SYNE1: variants seen among roughly 807,000 people sequenced by gnomAD.
The protein encoded by SYNE1 is nesprin-1.
SYNE1 carries 616 observed loss-of-function variants against 1,111.0 expected under a neutral mutation model. The observed-to-expected ratio is 0.55, with a 90% CI of 0.52 to 0.59. The LOEUF (loss-of-function observed/expected upper bound fraction) is 0.59, where lower values mean the gene tolerates loss of function less well. Ranked by LOEUF, SYNE1 falls within the 20% of genes least tolerant of loss-of-function variation. SYNE1 has a pLI of 0.00. For synonymous variants in SYNE1, 3,855 were observed against 3,825.8 expected (o/e 1.01, Z -0.28); for missense variants, 10,006 against 10,417.0 (o/e 0.96, Z 1.72).
intron 3 of SYNE1, among the ~76,000 whole-genome samples, chr6:152,613,559 A>C (rs1409342244): frequency 1.3e-5 from 2 of 152,240 alleles, no homozygotes; most frequent in Non-Finnish European, 2.9e-5. Flanking sequence ...AATATTGTGA[A>C]AATGGCCATA....
At chr6:152,275,519 T>C (rs2093553992) in intron 98 of SYNE1, among the ~76,000 whole-genome samples, 2 of 152,190 alleles carry the variant, frequency 1.3e-5, no homozygotes, top group Non-Finnish European at 2.9e-5. Flanking sequence ...ATTGTTTAAT[T>C]TTCTGTTCAC....
chr6:152,151,406 A>G, intron 135 of SYNE1, 147 bp downstream of exon 135: 1 of 928,108 alleles, frequency 1.1e-6, no homozygotes. Context: ...CTGATTTTTT[A>G]TATATTTTAC....
At chr6:152,356,055 CT>C (rs904242169) in intron 66 of SYNE1, among the ~76,000 whole-genome samples, 15 of 151,904 alleles carry the variant, frequency 9.9e-5, no homozygotes, top group Non-Finnish European at 2.2e-4. Context: ...AATTCTTAGA[CT>C]TTTTTTCAAG....
intron 51 of SYNE1, among the ~76,000 whole-genome samples, chr6:152,395,305 T>C (rs2097715216): frequency 6.6e-6 from 1 of 152,202 alleles, no homozygotes; most frequent in Non-Finnish European, 1.5e-5. Flanking sequence ...GGAATGCAGA[T>C]GAGCTTCTTA....
chr6:152,188,316 T>G (rs1165754344), intron 128 of SYNE1, among the ~76,000 whole-genome samples: 1 of 152,336 alleles, frequency 6.6e-6, no homozygotes, highest in African/African-American at 2.4e-5. Flanking sequence ...TTCTTCATTA[T>G]GAGCCTTTGA....
At chr6:152,404,669 T>C (rs2097868363) in intron 45 of SYNE1, among the ~76,000 whole-genome samples, 1 of 152,230 alleles carries the variant, frequency 6.6e-6, no homozygotes, top group Non-Finnish European at 1.5e-5. Context: ...TACTGGTTAC[T>C]ATGGCAGCAT....
At chr6:152,419,353 G>T (rs2154186388) in intron 40 of SYNE1, among the ~76,000 whole-genome samples, 1 of 152,140 alleles carries the variant, frequency 6.6e-6, no homozygotes, top group East Asian at 1.9e-4. Context: ...TCTTAAGATG[G>T]TTGCCAATTT....
chr6:152,310,582 C>T, intron 88 of SYNE1, 64 bp from the exon 89 acceptor site: 1 of 1,612,452 alleles, frequency 6.2e-7, no homozygotes, highest in Non-Finnish European at 8.5e-7. Flanking sequence ...AATAACATCA[C>T]AGTCAAGAAA....
At chr6:152,450,363 T>G (rs2098637467) in intron 27 of SYNE1, among the ~76,000 whole-genome samples, 2 of 152,114 alleles carry the variant, frequency 1.3e-5, no homozygotes, top group Admixed American at 6.5e-5. Flanking sequence ...ATTAGCAAAG[T>G]GAGAAAGGAC....
intron 106 of SYNE1, among the ~76,000 whole-genome samples, chr6:152,243,510 A>G (rs1233959430): frequency 1.3e-5 from 2 of 152,332 alleles, no homozygotes; most frequent in East Asian, 1.9e-4. Context: ...AAATGGTTCA[A>G]TCTGGAAGAG....
At chr6:152,280,771 A>C (rs2093982033) in intron 97 of SYNE1, among the ~76,000 whole-genome samples, 1 of 152,238 alleles carries the variant, frequency 6.6e-6, no homozygotes, top group African/African-American at 2.4e-5. Context: ...AAACATTAGA[A>C]AGAAGATATA....
chr6:152,248,103 C>T (rs1277554179), intron 105 of SYNE1, among the ~76,000 whole-genome samples: 4 of 152,124 alleles, frequency 2.6e-5, no homozygotes, highest in African/African-American at 9.7e-5. Flanking sequence ...AGTACAGCTA[C>T]ATGAAGCCTC....
At chr6:152,483,058 G>A (rs374091788) in intron 14 of SYNE1, 27 bp downstream of exon 14, 18 of 1,613,892 alleles carry the variant, frequency 1.1e-5, no homozygotes, top group Non-Finnish European at 1.5e-5. Flanking sequence ...CTGTTATGCT[G>A]CAAGGTTTTC....
At chr6:152,221,689 C>T in intron 117 of SYNE1, 130 bp from the exon 118 acceptor site, 1 of 1,167,350 alleles carries the variant, frequency 8.6e-7, no homozygotes, top group Non-Finnish European at 1.2e-6. Flanking sequence ...GACTTAGCAC[C>T]AATGCTTTAT....
chr6:152,411,276 T>C (rs1030094525), intron 42 of SYNE1, among the ~76,000 whole-genome samples: 3 of 152,352 alleles, frequency 2.0e-5, no homozygotes. Flanking sequence ...TGTTTATCCT[T>C]CAGCCTGTAC....
Position 152,511,042 on chromosome 6 carries a change from C to T in SYNE1, c.371G>A (p.Gly124Glu). Reference sequence around the variant, plus strand: ...ATATAGAATAATGGTCCACATCAATCCAAGAACTATTGAGGGTCGGCCATC... The same window carrying T: ...ATATAGAATAATGGTCCACATCAATTCAAGAACTATTGAGGGTCGGCCATC... Reference protein sequence around the residue: ...IADGRPSIVLGLMWTIILYFQ... With the variant: ...IADGRPSIVLELMWTIILYFQ... The change falls in exon 7 of 146, where the codon GGA becomes GAA. Residue 124 changes from glycine (G) to glutamate (E), a missense_variant. Physicochemically the swap from Gly to Glu is moderately conservative, Grantham distance 98. Coordinates refer to ENST00000367255, the MANE Select transcript of SYNE1 (RefSeq NM_182961.4). 6.2e-7 allele frequency: 1 copy of T among 1,613,948 alleles called. No individual in the cohort carries two copies. Among genetic ancestry groups the T allele is most frequent in the Non-Finnish European group, 8.5e-7 (1 of 1,179,894 alleles).
At chr6:152,423,732 ACTT>A (rs767452726) in intron 39 of SYNE1, among the ~76,000 whole-genome samples, 1 of 152,124 alleles carries the variant, frequency 6.6e-6, no homozygotes, top group Non-Finnish European at 1.5e-5. Flanking sequence ...CACATCATCT[ACTT>A]CTCTGGTCTC....
chr6:152,226,797 C>A (rs1255031292), intron 115 of SYNE1, among the ~76,000 whole-genome samples: 2 of 152,096 alleles, frequency 1.3e-5, no homozygotes, highest in Non-Finnish European at 2.9e-5. Context: ...GGACTCCCAG[C>A]CTGATGCCAG....
chr6:152,515,692 T>C (rs914109728), intron 6 of SYNE1, among the ~76,000 whole-genome samples: 3 of 152,212 alleles, frequency 2.0e-5, no homozygotes, highest in Admixed American at 1.3e-4. Flanking sequence ...CACAGGAATC[T>C]GAATTTATGT....
Sources: allele counts gnomAD v4.1 joint callset (sites outside exome capture counted in the v4.1 genomes callset), GRCh38; gene constraint gnomAD v4.1.1; transcripts MANE v1.5; gene names NCBI Gene and HGNC (gene_info 2026-07-23, HGNC 2026-07-21).